Variants in NEGR1 observed in about 807,000 individuals in gnomAD.
NEGR1 encodes neuronal growth regulator 1, also known as IgLON family member 4.
A neutral mutation model predicts 40.9 loss-of-function variants in NEGR1; 10 were observed. The ratio of observed to expected loss-of-function variants is 0.24; its 90% CI spans 0.15 to 0.42. The LOEUF (loss-of-function observed/expected upper bound fraction) is 0.42. Ranked by LOEUF, NEGR1 falls within the 10% of genes least tolerant of loss-of-function variation. NEGR1 has a pLI of 1.00. For synonymous variants in NEGR1, 185 were observed against 166.8 expected (o/e 1.11, Z -0.84); for missense variants, 352 against 438.9 (o/e 0.80, Z 1.77).
In NEGR1 at chr1:72,079,164, A is replaced by G. The variant is rs557446903; in HGVS notation, c.177-143853T>C. Among the ~76,000 whole-genome samples, 156 of 150,346 alleles carry G rather than the reference A, an allele frequency of 1.0e-3. 1 individual carries two copies. The highest frequency in any genetic ancestry group is 3.6e-3 in the African/African-American group (148 of 41,180). On this transcript the variant is annotated intron_variant, in intron 1 of 6. Transcript: ENST00000357731. ...AAATGAGTGCCAAATTTCTATAACT[A>G]AAATAATACTAATTTAAGTTAAAAA...
At chr1:71,658,762 G>T (rs1288194391) in intron 4 of NEGR1, among the ~76,000 whole-genome samples, 1 of 152,134 alleles carries the variant, frequency 6.6e-6, no homozygotes, top group Non-Finnish European at 1.5e-5. Context: ...TGGAGATCTT[G>T]TTGAGGAACT....
intron 1 of NEGR1, among the ~76,000 whole-genome samples, chr1:72,096,044 C>T (rs1256967096): frequency 1.3e-5 from 2 of 151,838 alleles, no homozygotes; most frequent in East Asian, 1.9e-4. Context: ...TAAGACTTTA[C>T]GAGGCCTCAA....
chr1:71,817,386 G>C (rs1201251114), intron 2 of NEGR1, among the ~76,000 whole-genome samples: 2 of 152,048 alleles, frequency 1.3e-5, no homozygotes, highest in African/African-American at 4.8e-5. Context: ...TCCCCACCAG[G>C]TTGGAAAAGC....
At chr1:72,024,700 C>T (rs181015106) in intron 1 of NEGR1, among the ~76,000 whole-genome samples, 19 of 152,218 alleles carry the variant, frequency 1.2e-4, no homozygotes, top group Non-Finnish European at 2.4e-4. Flanking sequence ...TTTCCACAGC[C>T]ACGTAATACT....
intron 1 of NEGR1, among the ~76,000 whole-genome samples, chr1:72,027,284 G>C (rs750294446): frequency 3.3e-5 from 5 of 152,032 alleles, no homozygotes; most frequent in Non-Finnish European, 5.9e-5. Context: ...AGTACTACCG[G>C]CCTGAATGTT....
At chr1:71,558,684 G>C (rs1648333746) in intron 6 of NEGR1, among the ~76,000 whole-genome samples, 1 of 148,232 alleles carries the variant, frequency 6.7e-6, no homozygotes, top group South Asian at 2.1e-4. Context: ...GATTGTGTCT[G>C]TGTCCTTCTG....
intron 1 of NEGR1, among the ~76,000 whole-genome samples, chr1:71,978,493 C>A (rs1449095110): frequency 6.6e-6 from 1 of 151,914 alleles, no homozygotes; most frequent in Non-Finnish European, 1.5e-5. Flanking sequence ...AAATTGCTAC[C>A]TAACAACTAC....
chr1:71,642,933 TACTGAG>T (rs1181397330), intron 4 of NEGR1, among the ~76,000 whole-genome samples: 1 of 151,992 alleles, frequency 6.6e-6, no homozygotes, highest in Non-Finnish European at 1.5e-5. Context: ...CTGTAAGTAT[TACTGAG>T]ACTTTTAGGT....
intron 6 of NEGR1, among the ~76,000 whole-genome samples, chr1:71,511,405 AAT>A (rs1410245697): frequency 9.8e-5 from 15 of 152,310 alleles, no homozygotes; most frequent in Admixed American, 7.8e-4. Context: ...TTTCTTTCAA[AAT>A]ATGTTACAAG....
intron 6 of NEGR1, among the ~76,000 whole-genome samples, chr1:71,483,198 A>G (rs1646865661): frequency 6.6e-6 from 1 of 151,638 alleles, no homozygotes; most frequent in Admixed American, 6.6e-5. Context: ...GGAATAGCAC[A>G]AAGCCCAGTT....
In NEGR1 at chr1:71,433,977, A is replaced by G. The variant is rs373912243; in HGVS notation, c.941-26407T>C. ...TCACGTTGAGGTTGTTAAGTCAGTA[A>G]TAAGCTAATAAGTTAGAAATAAGCC... On this transcript the variant is annotated intron_variant, in intron 6 of 6. Transcript: ENST00000357731. Among the ~76,000 whole-genome samples the G allele has an allele frequency of 3.9e-5, 6 of 152,252 alleles. No individual in the cohort carries two copies. In the East Asian group the frequency reaches 5.8e-4, roughly 15 times the overall value.
intron 1 of NEGR1, among the ~76,000 whole-genome samples, chr1:72,032,275 C>G (rs985711961): frequency 1.3e-5 from 2 of 152,084 alleles, no homozygotes; most frequent in Admixed American, 1.3e-4. Flanking sequence ...AAATAACTGA[C>G]GTGCAAATGG....
chr1:72,205,517 T>TTTTATAGTCTTAG (rs1402321856), intron 1 of NEGR1, among the ~76,000 whole-genome samples: 61 of 150,582 alleles, frequency 4.1e-4, no homozygotes, highest in African/African-American at 1.4e-3. Context: ...TATAGTCTTC[T>TTTTATAGTCTTAG]AAGATTTTTT....
chr1:71,931,576 G>A lies in NEGR1; in HGVS notation c.409+3503C>T, dbSNP rs559530879. On this transcript the variant is annotated intron_variant, in intron 2 of 6. Coordinates refer to ENST00000357731, the MANE Select transcript of NEGR1 (RefSeq NM_173808.3). ...TGGACAAGAACAAGAAAGCAAGAGGGGGCCTAACTCACTTTTATAACAAAC... is the reference window on the plus strand; with the variant it reads ...TGGACAAGAACAAGAAAGCAAGAGGAGGCCTAACTCACTTTTATAACAAAC... Among the ~76,000 whole-genome samples, 5 of 152,138 alleles carry A rather than the reference G, an allele frequency of 3.3e-5. No individual in the cohort carries two copies. The East Asian group carries it at 9.7e-4, about 29-fold the overall frequency.
intron 1 of NEGR1, among the ~76,000 whole-genome samples, chr1:72,068,916 A>G (rs1647350332): frequency 6.6e-6 from 1 of 152,172 alleles, no homozygotes; most frequent in Non-Finnish European, 1.5e-5. Flanking sequence ...ATCATTTAAT[A>G]GGAAGAAAAA....
intron 6 of NEGR1, among the ~76,000 whole-genome samples, chr1:71,497,413 G>A (rs1569948792): frequency 6.6e-6 from 1 of 152,064 alleles, no homozygotes; most frequent in East Asian, 1.9e-4. Context: ...CTTTTAAACA[G>A]AAACATTTAC....
chr1:71,683,500 A>G (rs1406977951), intron 4 of NEGR1, among the ~76,000 whole-genome samples: 1 of 152,168 alleles, frequency 6.6e-6, no homozygotes, highest in Non-Finnish European at 1.5e-5. Flanking sequence ...TGGAAATTGT[A>G]TCCAGCATCT....
intron 4 of NEGR1, among the ~76,000 whole-genome samples, chr1:71,649,874 T>G (rs2101581058): frequency 6.6e-6 from 1 of 152,270 alleles, no homozygotes. Context: ...AGATAACTTT[T>G]GCCACTCAGT....
At chr1:71,610,748 C>T (rs930323948) in intron 5 of NEGR1, among the ~76,000 whole-genome samples, 4 of 152,008 alleles carry the variant, frequency 2.6e-5, no homozygotes, top group African/African-American at 7.2e-5. Context: ...ACTGAGTTGC[C>T]AGCAACTCAG....
Sources: gnomAD v4.1 joint callset for allele counts (sites outside exome capture counted in the v4.1 genomes callset) on GRCh38, gnomAD v4.1.1 for gene constraint, MANE v1.5 for transcripts, NCBI Gene and HGNC (gene_info 2026-07-23, HGNC 2026-07-21) for gene names.